Variants in ZNF184 observed in about 807,000 individuals in gnomAD.
ZNF184 encodes zinc finger protein 184 (Kruppel-like).
Under a neutral mutation model 54.4 loss-of-function variants are expected in ZNF184, and 16 were observed. The ratio of observed to expected loss-of-function variants is 0.29; its 90% CI spans 0.20 to 0.45. The LOEUF is 0.45. Ranked by LOEUF, ZNF184 falls within the 20% of genes least tolerant of loss-of-function variation. The pLI is 1.00. For synonymous variants in ZNF184, 254 were observed against 295.3 expected (o/e 0.86, Z 1.43); for missense variants, 681 against 888.2 (o/e 0.77, Z 2.97).
At chr6:27,424,194 G>C in the ZNF184 span, among the ~76,000 whole-genome samples, 4 of 152,178 alleles carry the variant, frequency 2.6e-5, no homozygotes, top group African/African-American at 9.7e-5. Context: ...AAGGCACCGC[G>C]TCTGGAGTTG....
chr6:27,436,086 C>T, the ZNF184 span, among the ~76,000 whole-genome samples: 3 of 152,068 alleles, frequency 2.0e-5, no homozygotes, highest in African/African-American at 4.8e-5. Flanking sequence ...TTGAGTATGA[C>T]GTTAGCTGTG....
downstream of ZNF184, among the ~76,000 whole-genome samples, chr6:27,447,086 A>T (rs1036874656): frequency 2.0e-5 from 3 of 152,066 alleles, no homozygotes; most frequent in African/African-American, 7.2e-5. Flanking sequence ...AAAAAAAAAA[A>T]AAAAAGTCTT....
At chr6:27,409,498 C>CAAA in the ZNF184 span, among the ~76,000 whole-genome samples, 18 of 39,590 alleles carry the variant, frequency 4.5e-4, no homozygotes, top group Middle Eastern at 0.017. Context: ...GACTCCGTCT[C>CAAA]AAAAAAAAAA....
chr6:27,452,894 C>A lies in ZNF184; in HGVS notation c.665G>T (p.Cys222Phe). The A allele has an allele frequency of 6.2e-7, 1 of 1,614,136 alleles. No homozygotes were observed. The change falls in exon 6 of 6, where the codon TGT (cysteine) becomes TTT (phenylalanine). Residue 222 changes from cysteine (C) to phenylalanine (F), a missense_variant. Physicochemically the swap from Cys to Phe is radical, Grantham distance 205 (BLOSUM62 -2). Coordinates refer to ENST00000683788, the MANE Select transcript of ZNF184 (RefSeq NM_001318891.2). The surrounding 1 kb of genome is among the most constrained non-coding windows in gnomAD (Gnocchi z 5.5). ...NSNPVKKEKS[C>F]KCNECGKAFS... is the part of the protein sequence containing the mutation. ...GGCTTTCCCACATTCATTGCACTTA[C>A]AAGATTTCTCTTTTTTAACTGGGTT...
the ZNF184 span, among the ~76,000 whole-genome samples, chr6:27,412,294 G>A: frequency 1.1e-3 from 161 of 152,330 alleles, no homozygotes; most frequent in African/African-American, 3.7e-3. Context: ...GCGAGGTGAA[G>A]CAAATGCTCA....
rs199612610 is a variant in ZNF184, at chr6:27,452,068, C to T, written c.1491G>A (p.Thr497=). 5.5e-5 allele frequency: 88 copies of T among 1,613,646 alleles called. No homozygotes were observed. The highest frequency in any genetic ancestry group is 7.3e-5 in the Non-Finnish European group (86 of 1,179,970). ...SSLTQHRRIH[T]REKPFECSEC... Reference sequence around the variant, plus strand: ...CACTGCATTCAAAGGGCTTTTCTCTCGTGTGAATTCTCCGATGTTGAGTAA... The same window carrying T: ...CACTGCATTCAAAGGGCTTTTCTCTTGTGTGAATTCTCCGATGTTGAGTAA... The change falls in exon 6 of 6, where the codon ACG becomes ACA. Residue 497 remains threonine (T), a synonymous_variant. Transcript: ENST00000683788. The surrounding 1 kb of genome is among the most constrained non-coding windows in gnomAD (Gnocchi z 5.5).
At chr6:27,422,217 A>AAAGAAAGAAAGG in the ZNF184 span, among the ~76,000 whole-genome samples, 1 of 146,656 alleles carries the variant, frequency 6.8e-6, no homozygotes, top group Admixed American at 6.8e-5. Context: ...AGAAAGAAAG[A>AAAGAAAGAAAGG]AAAGAAAAGA....
chr6:27,427,584 A>G, the ZNF184 span, among the ~76,000 whole-genome samples: 4 of 152,128 alleles, frequency 2.6e-5, no homozygotes, highest in African/African-American at 7.2e-5. Context: ...TTCTGCTGCA[A>G]CTTAAACCAT....
At chr6:27,461,108 G>T (rs1762983515) in intron 3 of ZNF184, among the ~76,000 whole-genome samples, 1 of 152,114 alleles carries the variant, frequency 6.6e-6, no homozygotes, top group Non-Finnish European at 1.5e-5. Flanking sequence ...CCGAGTGTGG[G>T]GTCTAAACTA....
Position 27,451,255 on chromosome 6 carries a change from C to A in ZNF184, c.*48G>T. 1.3e-6 allele frequency: 2 copies of A among 1,522,604 alleles called. No homozygotes were observed. The allele number at this position is 1,522,604 out of a possible 1,614,324, so 94.3% of individuals were successfully genotyped here. A position where few individuals can be genotyped will look rare whatever the true frequency, so the allele number is the denominator to read the frequency against. ...GATTCTTCAGTACTTAACAAAAGGA[C>A]AAACTAAAGTAAATATCTCCCCTAA... On this transcript the variant is annotated 3_prime_UTR_variant, in exon 6 of 6. Coordinates refer to ENST00000683788, the MANE Select transcript of ZNF184 (RefSeq NM_001318891.2).
chr6:27,465,334 A>T (rs1431503795), intron 3 of ZNF184, among the ~76,000 whole-genome samples: 1 of 151,232 alleles, frequency 6.6e-6, no homozygotes, highest in Non-Finnish European at 1.5e-5. Context: ...AATACAAAAA[A>T]ATTAGCCAGG....
the ZNF184 span, among the ~76,000 whole-genome samples, chr6:27,423,283 T>C: frequency 6.8e-6 from 1 of 147,096 alleles, no homozygotes; most frequent in Non-Finnish European, 1.6e-5. Flanking sequence ...GGTAAAGTGC[T>C]GTCTCTGTAG....
At chr6:27,421,893 G>C in the ZNF184 span, among the ~76,000 whole-genome samples, 1 of 152,102 alleles carries the variant, frequency 6.6e-6, no homozygotes, top group African/African-American at 2.4e-5. Flanking sequence ...AACACAGGGA[G>C]ACCCTGTCTC....
At chr6:27,412,077 G>A in the ZNF184 span, among the ~76,000 whole-genome samples, 1 of 152,202 alleles carries the variant, frequency 6.6e-6, no homozygotes, top group Admixed American at 6.5e-5. Flanking sequence ...GATGAGGGCC[G>A]GCAACTGCCA....
At chr6:27,454,917 T>C (rs1448177171) in intron 5 of ZNF184, among the ~76,000 whole-genome samples, 2 of 152,096 alleles carry the variant, frequency 1.3e-5, no homozygotes, top group South Asian at 4.2e-4. Flanking sequence ...GAAAACAAGA[T>C]AGACCAGTGA....
chr6:27,442,180 GCC>G, the ZNF184 span, among the ~76,000 whole-genome samples: 26 of 152,202 alleles, frequency 1.7e-4, no homozygotes, highest in Non-Finnish European at 2.6e-4. Flanking sequence ...ATTCTCTACA[GCC>G]TGGATTCTGT....
At chr6:27,422,148 A>AAG in the ZNF184 span, among the ~76,000 whole-genome samples, 1 of 43,472 alleles carries the variant, frequency 2.3e-5, no homozygotes, top group African/African-American at 8.4e-5. Flanking sequence ...CTCAAAAAAA[A>AAG]AAAGAAAGAA....
the ZNF184 span, among the ~76,000 whole-genome samples, chr6:27,412,036 C>T: frequency 1.3e-5 from 2 of 152,078 alleles, no homozygotes; most frequent in African/African-American, 2.4e-5. Context: ...CTGGGACCAC[C>T]GCAACATGGT....
At chr6:27,460,956 T>C (rs952884742) in intron 3 of ZNF184, among the ~76,000 whole-genome samples, 3 of 152,228 alleles carry the variant, frequency 2.0e-5, no homozygotes, top group Non-Finnish European at 4.4e-5. Flanking sequence ...AACATTTCCA[T>C]GGTCACTAAT....
Sources: gnomAD v4.1 joint callset for allele counts (sites outside exome capture counted in the v4.1 genomes callset) on GRCh38, gnomAD v4.1.1 for gene constraint, Gnocchi (gnomAD v3.1) non-coding constraint, MANE v1.5 for transcripts, NCBI Gene and HGNC (gene_info 2026-07-23, HGNC 2026-07-21) for gene names.